The following TENM2 variants were observed in gnomAD, a reference collection of about 807,000 sequenced individuals.
TENM2 encodes the protein teneurin-2.
A neutral mutation model predicts 245.2 loss-of-function variants in TENM2; 52 were observed. That is an observed-to-expected ratio of 0.21 (90% CI 0.17 to 0.27). TENM2 has a LOEUF of 0.27. Among genes scored for constraint, TENM2 ranks in the 10% least tolerant of loss-of-function variants. The pLI, the probability that TENM2 is intolerant of heterozygous loss-of-function variation, is 1.00. For synonymous variants in TENM2, 1,363 were observed against 1,438.9 expected (o/e 0.95, Z 1.19); for missense variants, 3,046 against 3,666.8 (o/e 0.83, Z 4.37).
intron 2 of TENM2, among the ~76,000 whole-genome samples, chr5:167,642,107 C>T (rs998638697): frequency 6.7e-6 from 1 of 149,100 alleles, no homozygotes; most frequent in African/African-American, 2.5e-5. Context: ...TGCCACTGCA[C>T]TCCAGCCTGG....
intron 4 of TENM2, among the ~76,000 whole-genome samples, chr5:167,986,163 C>T (rs573124423): frequency 1.3e-5 from 2 of 152,270 alleles, no homozygotes; most frequent in African/African-American, 4.8e-5. Flanking sequence ...CAAGATTCTG[C>T]CTGAAATCCA....
At chr5:167,795,793 A>G (rs2150920472) in intron 2 of TENM2, among the ~76,000 whole-genome samples, 1 of 152,346 alleles carries the variant, frequency 6.6e-6, no homozygotes, top group South Asian at 2.1e-4. Context: ...ATGACTGTCA[A>G]GAGAACTGTG....
At chr5:168,248,429 G>T (rs1581762061) in intron 27 of TENM2, 58 bp downstream of exon 29, 42 of 1,522,850 alleles carry the variant, frequency 2.8e-5, no homozygotes, top group Non-Finnish European at 3.6e-5. Flanking sequence ...TTGTTGCTGT[G>T]GGGAACTTGG....
At chr5:168,175,641 T>G (rs1344899969) in intron 13 of TENM2, among the ~76,000 whole-genome samples, 1 of 152,190 alleles carries the variant, frequency 6.6e-6, no homozygotes, top group Non-Finnish European at 1.5e-5. Context: ...TGATTCTAAA[T>G]GTCTTGTTCA....
chr5:167,944,233 C>T lies in TENM2; in HGVS notation c.713-8355C>T, dbSNP rs1285390421. Reference sequence around the variant, plus strand: ...CCAAGGGCAGCTACTGACTTGGCACCCAGTTCGAGTCCCCTTATCCTTTCT... The same window carrying T: ...CCAAGGGCAGCTACTGACTTGGCACTCAGTTCGAGTCCCCTTATCCTTTCT... On this transcript the variant is annotated intron_variant, in intron 3 of 28. Transcript: ENST00000518659. Among the ~76,000 whole-genome samples the T allele has an allele frequency of 3.3e-5, 5 of 152,134 alleles. No homozygotes were observed. In the South Asian group the frequency reaches 8.3e-4, roughly 25 times the overall value.
intron 1 of TENM2, among the ~76,000 whole-genome samples, chr5:167,314,180 G>A: frequency 6.6e-6 from 1 of 152,142 alleles, no homozygotes; most frequent in South Asian, 2.1e-4. Context: ...TCTTTTTTAG[G>A]TTTTTCCCAC....
intron 2 of TENM2, among the ~76,000 whole-genome samples, chr5:167,394,087 T>C (rs1333346946): frequency 6.6e-6 from 1 of 152,152 alleles, no homozygotes; most frequent in Non-Finnish European, 1.5e-5. Flanking sequence ...TGCATTTTCA[T>C]TTTGTTGCTA....
At chr5:167,107,218 C>T in the TENM2 span, among the ~76,000 whole-genome samples, 1 of 151,010 alleles carries the variant, frequency 6.6e-6, no homozygotes, top group Non-Finnish European at 1.5e-5. Flanking sequence ...GCCGAGACTG[C>T]GCCATTGCAC....
At chr5:167,477,853 G>C (rs1767495491) in intron 2 of TENM2, among the ~76,000 whole-genome samples, 1 of 151,990 alleles carries the variant, frequency 6.6e-6, no homozygotes, top group African/African-American at 2.4e-5. Context: ...CAATAGGTGG[G>C]AAAGAAGGGA....
At chr5:167,666,968 T>G (rs944312788) in intron 2 of TENM2, among the ~76,000 whole-genome samples, 2 of 152,282 alleles carry the variant, frequency 1.3e-5, no homozygotes, top group African/African-American at 4.8e-5. Context: ...CTCAGCAATA[T>G]AACTAGGACA....
At chr5:167,778,846 TG>T (rs1554116322) in intron 2 of TENM2, among the ~76,000 whole-genome samples, 1 of 152,198 alleles carries the variant, frequency 6.6e-6, no homozygotes, top group Non-Finnish European at 1.5e-5. Context: ...AGATTTAGTT[TG>T]GGGAAGCAAT....
At chr5:167,103,207 T>G in the TENM2 span, among the ~76,000 whole-genome samples, 1 of 152,208 alleles carries the variant, frequency 6.6e-6, no homozygotes, top group Non-Finnish European at 1.5e-5. Context: ...CACTGCTATT[T>G]TAAAATTATC....
chr5:167,038,386 A>G, the TENM2 span, among the ~76,000 whole-genome samples: 1 of 152,220 alleles, frequency 6.6e-6, no homozygotes, highest in African/African-American at 2.4e-5. Context: ...ATGTAAAACA[A>G]TAAACTGAGA....
At chr5:167,641,026 C>T (rs1463598426) in intron 2 of TENM2, among the ~76,000 whole-genome samples, 1 of 150,398 alleles carries the variant, frequency 6.6e-6, no homozygotes, top group Non-Finnish European at 1.5e-5. Context: ...GAAGTGGAAA[C>T]CCTAGGAGTC....
intron 2 of TENM2, among the ~76,000 whole-genome samples, chr5:167,775,441 T>C (rs1402214734): frequency 1.3e-5 from 2 of 152,218 alleles, no homozygotes; most frequent in Non-Finnish European, 2.9e-5. Context: ...AATGCAGAAC[T>C]AGGTTTAACT....
chr5:168,226,606 A>G (rs1185036853), intron 24 of TENM2, among the ~76,000 whole-genome samples: 1 of 151,786 alleles, frequency 6.6e-6, no homozygotes, highest in East Asian at 1.9e-4. Context: ...CCCAAAACAC[A>G]TAGTTATCTT....
At chr5:167,698,090 T>C (rs543067212) in intron 2 of TENM2, among the ~76,000 whole-genome samples, 19 of 152,186 alleles carry the variant, frequency 1.2e-4, no homozygotes, top group Admixed American at 1.3e-4. Flanking sequence ...TATCTTTTCC[T>C]TTACTCATTG....
intron 7 of TENM2, among the ~76,000 whole-genome samples, chr5:168,081,493 TG>T (rs1791992355): frequency 6.6e-6 from 1 of 152,238 alleles, no homozygotes; most frequent in African/African-American, 2.4e-5. Flanking sequence ...GTGGTTATTT[TG>T]CTCATTAATT....
rs1047738807 is a variant in TENM2, at chr5:167,328,491, A to G, written c.226+43428A>G. Among the ~76,000 whole-genome samples, 7 of 152,148 alleles carry G rather than the reference A, an allele frequency of 4.6e-5. No homozygotes were observed. The East Asian group carries it at 7.7e-4, about 17-fold the overall frequency. On this transcript the variant is annotated intron_variant, in intron 1 of 28. Coordinates refer to ENST00000518659, the Ensembl canonical transcript of TENM2. Reference sequence around the variant, plus strand: ...CAGGCGTGAGCCACCACACCCAGCCAGTTTCCCATATCTTTTGAAGAATTG... The same window carrying G: ...CAGGCGTGAGCCACCACACCCAGCCGGTTTCCCATATCTTTTGAAGAATTG...
Sources: gnomAD v4.1 joint callset for allele counts (sites outside exome capture counted in the v4.1 genomes callset) on GRCh38, gnomAD v4.1.1 for gene constraint, MANE v1.5 for transcripts, NCBI Gene and HGNC (gene_info 2026-07-23, HGNC 2026-07-21) for gene names.